OXR1: variants seen among roughly 807,000 people sequenced by gnomAD.
The protein encoded by OXR1 is oxidation resistance 1, also known as oxidation resistance protein 1.
In OXR1, 41 loss-of-function variants were observed where a neutral mutation model predicts 104.6. The ratio of observed to expected loss-of-function variants is 0.39; its 90% CI spans 0.31 to 0.51. The LOEUF is 0.51. Ranked by LOEUF, OXR1 falls within the 20% of genes least tolerant of loss-of-function variation. The pLI is 0.77. For missense variants in OXR1, 955 were observed against 1,031.9 expected, an observed-to-expected ratio of 0.93 and a Z score of 1.02; for synonymous variants, 348 against 348.4, an observed-to-expected ratio of 1.00 and a Z score of 0.01.
At chr8:106,406,778 G>C (rs1204920735) in intron 2 of OXR1, among the ~76,000 whole-genome samples, 1 of 152,130 alleles carries the variant, frequency 6.6e-6, no homozygotes, top group Non-Finnish European at 1.5e-5. Flanking sequence ...GTGGATACCT[G>C]TCATTATACA....
chr8:106,430,326 G>A (rs115361320), intron 2 of OXR1, among the ~76,000 whole-genome samples: 2,063 of 152,242 alleles, frequency 0.014, 43 homozygotes, highest in African/African-American at 0.045. Context: ...TGTTTATCCT[G>A]TGCTTTCTTC....
chr8:106,575,585 G>A (rs1260021115), intron 3 of OXR1, among the ~76,000 whole-genome samples: 1 of 151,700 alleles, frequency 6.6e-6, no homozygotes, highest in Non-Finnish European at 1.5e-5. Context: ...AAGCATGAAG[G>A]CAGGTACAAA....
intron 2 of OXR1, among the ~76,000 whole-genome samples, chr8:106,460,935 C>T (rs531934274): frequency 5.9e-5 from 9 of 151,424 alleles, no homozygotes; most frequent in African/African-American, 1.5e-4. Flanking sequence ...TTAATGGGCA[C>T]GTGTATATTA....
intron 3 of OXR1, among the ~76,000 whole-genome samples, chr8:106,523,777 A>AC (rs1554587429): frequency 2.7e-5 from 4 of 145,588 alleles, no homozygotes; most frequent in African/African-American, 1.0e-4. Flanking sequence ...TGGAGTGGAA[A>AC]TTTTTTTTTT....
At chr8:106,540,727 G>T (rs1247404728) in intron 3 of OXR1, among the ~76,000 whole-genome samples, 1 of 152,184 alleles carries the variant, frequency 6.6e-6, no homozygotes, top group Non-Finnish European at 1.5e-5. Context: ...TCACAATCAT[G>T]GTGGAAGGCA....
chr8:106,554,835 C>A (rs1816140020), intron 3 of OXR1, among the ~76,000 whole-genome samples: 1 of 152,020 alleles, frequency 6.6e-6, no homozygotes, highest in Non-Finnish European at 1.5e-5. Context: ...TCATTCTTAA[C>A]CCCAGATTAA....
intron 1 of OXR1, among the ~76,000 whole-genome samples, chr8:106,297,986 T>C (rs892212184): frequency 2.0e-5 from 3 of 152,208 alleles, no homozygotes; most frequent in African/African-American, 7.2e-5. Flanking sequence ...TGGGAGGCAA[T>C]GATCTGGCGA....
intron 2 of OXR1, among the ~76,000 whole-genome samples, chr8:106,375,044 T>A (rs1205364055): frequency 6.6e-6 from 1 of 152,222 alleles, no homozygotes; most frequent in East Asian, 1.9e-4. Flanking sequence ...ACAAAATAAA[T>A]TGAAATTCAG....
chr8:106,703,044 A>G lies in OXR1; in HGVS notation c.814A>G (p.Met272Val). 2 of 1,613,760 alleles carry G rather than the reference A, an allele frequency of 1.2e-6. No homozygotes were observed. Among genetic ancestry groups the G allele is most frequent in the Admixed American group, 3.3e-5 (2 of 59,970 alleles). Residue 272 changes from methionine (M) to valine (V), a missense_variant, in exon 8 of 17, where the codon ATG becomes GTG. By Grantham distance (21) the Met-to-Val change is conservative. Around this residue, in one of 2 missense-constraint regions of OXR1, gnomAD observed 849 missense variants for 852.9 expected, o/e 1.00. Coordinates refer to ENST00000517566, the MANE Select transcript of OXR1 (RefSeq NM_001198533.2). ...AATGGAAGAGGTGATGTCAGCTGCAATGTACAAAGAAATTTTGGATAGCAA... is the reference window on the plus strand; with the variant it reads ...AATGGAAGAGGTGATGTCAGCTGCAGTGTACAAAGAAATTTTGGATAGCAA... ...CPMEEVMSAA[M>V]YKEILDSKIK... is the part of the protein sequence containing the mutation.
intron 2 of OXR1, among the ~76,000 whole-genome samples, chr8:106,473,510 G>A (rs1455528653): frequency 6.6e-5 from 10 of 151,852 alleles, no homozygotes; most frequent in Admixed American, 6.6e-4. Context: ...AAAATTAAAT[G>A]TAACCTTTTG....
At chr8:106,419,217 C>T (rs1000342084) in intron 2 of OXR1, among the ~76,000 whole-genome samples, 4 of 152,164 alleles carry the variant, frequency 2.6e-5, no homozygotes, top group Non-Finnish European at 5.9e-5. Context: ...CTTACCCTGA[C>T]GAAGCATCTT....
intron 1 of OXR1, among the ~76,000 whole-genome samples, chr8:106,319,374 T>G (rs1814117261): frequency 6.6e-6 from 1 of 152,194 alleles, no homozygotes; most frequent in Admixed American, 6.5e-5. Flanking sequence ...GCAGCCCATT[T>G]CAGACTGATT....
At chr8:106,688,427 A>T (rs2131270066) in intron 6 of OXR1, among the ~76,000 whole-genome samples, 1 of 152,202 alleles carries the variant, frequency 6.6e-6, no homozygotes, top group South Asian at 2.1e-4. Context: ...ATTTTGAAAA[A>T]AAAATACTTT....
chr8:106,654,784 C>A (rs1305773539), intron 3 of OXR1, among the ~76,000 whole-genome samples: 2 of 152,050 alleles, frequency 1.3e-5, no homozygotes, highest in African/African-American at 4.8e-5. Flanking sequence ...TGAAAGCCAC[C>A]ATTTTGACCC....
chr8:106,382,835 T>C (rs1343890544), intron 2 of OXR1, among the ~76,000 whole-genome samples: 2 of 151,950 alleles, frequency 1.3e-5, no homozygotes, highest in Non-Finnish European at 2.9e-5. Flanking sequence ...CACAACATTA[T>C]ATATGGGAAA....
chr8:106,584,306 A>G (rs1354215897), intron 3 of OXR1, among the ~76,000 whole-genome samples: 1 of 152,026 alleles, frequency 6.6e-6, no homozygotes, highest in African/African-American at 2.4e-5. Flanking sequence ...TACCAGACTT[A>G]AAAAAAGAGA....
chr8:106,416,098 A>G (rs1476789218), intron 2 of OXR1, among the ~76,000 whole-genome samples: 1 of 152,102 alleles, frequency 6.6e-6, no homozygotes, highest in Non-Finnish European at 1.5e-5. Context: ...GGTAAACTTG[A>G]GGTTAGAGAA....
At chr8:106,324,615 G>A (rs1412104586) in intron 1 of OXR1, among the ~76,000 whole-genome samples, 2 of 151,370 alleles carry the variant, frequency 1.3e-5, no homozygotes, top group African/African-American at 2.4e-5. Context: ...CTTGGGTACC[G>A]TGAAATTTCC....
chr8:106,556,957 C>T (rs1161441658), intron 3 of OXR1, among the ~76,000 whole-genome samples: 1 of 152,150 alleles, frequency 6.6e-6, no homozygotes, highest in Non-Finnish European at 1.5e-5. Context: ...AATTCCCTTC[C>T]CTCATTAATT....
Sources: gnomAD v4.1 joint callset for allele counts (sites outside exome capture counted in the v4.1 genomes callset) on GRCh38, gnomAD v4.1.1 for gene constraint, gnomAD v4.1.1 regional missense constraint, MANE v1.5 for transcripts, NCBI Gene and HGNC (gene_info 2026-07-23, HGNC 2026-07-21) for gene names.